CCR3: variants seen among roughly 807,000 people sequenced by gnomAD.
CCR3 encodes C-C motif chemokine receptor 3.
For missense variants in CCR3, 419 were observed against 437.5 expected, an observed-to-expected ratio of 0.96 and a Z score of 0.38; for synonymous variants, 203 against 179.2, an observed-to-expected ratio of 1.13 and a Z score of -1.06.
chr3:46,221,140 G>A (rs976783981), intron 2 of CCR3, among the ~76,000 whole-genome samples: 2 of 152,166 alleles, frequency 1.3e-5, no homozygotes, highest in Admixed American at 6.5e-5. Context: ...ACTTGGCCAC[G>A]GAGAGTATTT....
intron 2 of CCR3, among the ~76,000 whole-genome samples, chr3:46,230,910 G>A (rs150125318): frequency 2.6e-5 from 4 of 152,086 alleles, no homozygotes; most frequent in East Asian, 1.9e-4. Context: ...ATTTTGATCC[G>A]TTTTTTGTTT....
intron 1 of CCR3, among the ~76,000 whole-genome samples, chr3:46,242,980 C>CATATATATATAT (rs758465669): frequency 1.0e-5 from 1 of 98,914 alleles, no homozygotes; most frequent in Admixed American, 9.8e-5. Context: ...TATATATATA[C>CATATATATATAT]ACATATATAT....
At chr3:46,263,173 G>A (rs1236615159) in intron 1 of CCR3, among the ~76,000 whole-genome samples, 1 of 152,168 alleles carries the variant, frequency 6.6e-6, no homozygotes, top group Non-Finnish European at 1.5e-5. Context: ...CTCAAACTGA[G>A]CAAAACTTAA....
intron 2 of CCR3, among the ~76,000 whole-genome samples, chr3:46,219,784 C>A (rs139290893): frequency 1.3e-5 from 2 of 152,078 alleles, no homozygotes; most frequent in African/African-American, 2.4e-5. Flanking sequence ...ATTGTCAAAC[C>A]ACATGTAGAA....
chr3:46,266,500 C>A lies in CCR3; in HGVS notation c.*274C>A. The A allele has an allele frequency of 2.8e-6, 1 of 359,174 alleles. No homozygotes were observed. Among genetic ancestry groups the A allele is most frequent in the Non-Finnish European group, 5.2e-6 (1 of 191,748 alleles). The allele number at this position is 359,174 out of a possible 1,614,324, so 22.2% of individuals were successfully genotyped here. A position where few individuals can be genotyped will look rare whatever the true frequency, so the allele number is the denominator to read the frequency against. ...AATGAGTTACCTACATTTTAATGCA[C>A]CTGAATGTTAGATAGTTACTATATG... On this transcript the variant is annotated 3_prime_UTR_variant, in exon 2 of 2. Transcript: ENST00000395940.
chr3:46,244,138 A>C (rs926544146), intron 1 of CCR3, among the ~76,000 whole-genome samples: 1 of 152,234 alleles, frequency 6.6e-6, no homozygotes, highest in African/African-American at 2.4e-5. Flanking sequence ...TTAAGGAAAT[A>C]ATTTTAAAAT....
upstream of CCR3, among the ~76,000 whole-genome samples, chr3:46,238,734 A>G (rs1700047086): frequency 6.6e-6 from 1 of 152,190 alleles, no homozygotes. Context: ...TTCTCAGGTG[A>G]GACAGAGAAA....
upstream of CCR3, among the ~76,000 whole-genome samples, chr3:46,238,191 C>T (rs149816681): frequency 4.3e-3 from 655 of 151,856 alleles, 6 homozygotes; most frequent in African/African-American, 0.015. Context: ...TTTTTCTTTC[C>T]CACTAGCTCT....
intron 2 of CCR3, among the ~76,000 whole-genome samples, chr3:46,222,468 G>A (rs187994949): frequency 6.6e-6 from 1 of 152,272 alleles, no homozygotes; most frequent in East Asian, 1.9e-4. Flanking sequence ...CTTCTTGAAG[G>A]GTACTGCCAG....
At chr3:46,239,114 T>C (rs373843147), upstream of CCR3, among the ~76,000 whole-genome samples, 12 of 152,164 alleles carry the variant, frequency 7.9e-5, no homozygotes, top group African/African-American at 2.9e-4. Context: ...ACTGAAAAAC[T>C]AATGAGGGAA....
At chr3:46,261,133 T>A (rs1405460534) in intron 1 of CCR3, among the ~76,000 whole-genome samples, 1 of 152,206 alleles carries the variant, frequency 6.6e-6, no homozygotes. Context: ...CTTGATATTG[T>A]AAAGTTATCA....
At chr3:46,222,258 G>A (rs950556227) in intron 2 of CCR3, among the ~76,000 whole-genome samples, 1 of 152,170 alleles carries the variant, frequency 6.6e-6, no homozygotes, top group South Asian at 2.1e-4. Flanking sequence ...GGATGGCCAT[G>A]GTGGAGGTGG....
intron 1 of CCR3, among the ~76,000 whole-genome samples, chr3:46,245,214 T>C (rs1213760752): frequency 6.6e-6 from 1 of 151,884 alleles, no homozygotes; most frequent in Non-Finnish European, 1.5e-5. Flanking sequence ...GAAGACTGCA[T>C]TCATTCATGA....
intron 1 of CCR3, among the ~76,000 whole-genome samples, chr3:46,249,690 T>G (rs1700268140): frequency 6.6e-6 from 1 of 151,888 alleles, no homozygotes; most frequent in African/African-American, 2.4e-5. Context: ...CCCACACAGA[T>G]GGGGGAATCC....
Position 46,251,933 on chromosome 3 carries a change from G to C in CCR3, c.-12+9395G>C, listed in dbSNP as rs187054549. Among the ~76,000 whole-genome samples, 25 of 152,200 alleles carry C rather than the reference G, an allele frequency of 1.6e-4. 1 individual carries two copies. The East Asian group carries it at 4.3e-3, about 26-fold the overall frequency. The stretch of plus-strand genomic sequence containing the variant: ...AGCCATTTACACTTCTTTTGTGGTG[G>C]AGTGTCATCAGTTAAGGTGGGGCAG... On this transcript the variant is annotated intron_variant, in intron 1 of 1. Coordinates refer to ENST00000395940, the MANE Select transcript of CCR3 (RefSeq NM_178329.3).
chr3:46,252,066 C>T (rs1300570024), intron 1 of CCR3, among the ~76,000 whole-genome samples: 1 of 151,678 alleles, frequency 6.6e-6, no homozygotes, highest in Admixed American at 6.6e-5. Flanking sequence ...AGGCCTGACA[C>T]TTTCTACATG....
chr3:46,233,273 C>T (rs1398712247), intron 2 of CCR3, among the ~76,000 whole-genome samples: 2 of 152,184 alleles, frequency 1.3e-5, no homozygotes, highest in Admixed American at 6.5e-5. Context: ...AGAAAAGTGA[C>T]AGTAAACACA....
chr3:46,237,189 T>G (rs570946481), intron 2 of CCR3, among the ~76,000 whole-genome samples: 2 of 152,366 alleles, frequency 1.3e-5, no homozygotes, highest in South Asian at 4.1e-4. Flanking sequence ...GGTGGTGCAG[T>G]ATCCCTTTGA....
chr3:46,213,347 G>C (rs894639904), intron 2 of CCR3, among the ~76,000 whole-genome samples: 1 of 152,222 alleles, frequency 6.6e-6, no homozygotes, highest in African/African-American at 2.4e-5. Flanking sequence ...TCTCAGGCCA[G>C]TTACGAGAGT....
Sources: allele counts gnomAD v4.1 joint callset (sites outside exome capture counted in the v4.1 genomes callset), GRCh38; gene constraint gnomAD v4.1.1; transcripts MANE v1.5; gene names NCBI Gene and HGNC (gene_info 2026-07-23, HGNC 2026-07-21).